Variants in CLIC5 observed in about 807,000 individuals in gnomAD.
The protein encoded by CLIC5 is chloride intracellular channel protein 5.
CLIC5 carries 20 observed loss-of-function variants against 24.7 expected under a neutral mutation model. The ratio of observed to expected loss-of-function variants is 0.81; its 90% CI spans 0.57 to 1.18. CLIC5 has a LOEUF of 1.18. Among genes scored for constraint, CLIC5 ranks in the 50% most tolerant of loss-of-function variants. The pLI is 0.00. For missense variants in CLIC5, 341 were observed against 326.1 expected (o/e 1.05, Z -0.35); for synonymous variants, 159 against 135.6 (o/e 1.17, Z -1.20).
intron 4 of CLIC5, among the ~76,000 whole-genome samples, chr6:45,926,239 ATATATTT>A (rs1389153287): frequency 1.2e-4 from 16 of 133,904 alleles, no homozygotes; most frequent in Admixed American, 7.4e-4. Flanking sequence ...ATATATATAT[ATATATTT>A]TATTTTTTTT....
chr6:46,108,397 T>TGA, the CLIC5 span, among the ~76,000 whole-genome samples: 85 of 148,418 alleles, frequency 5.7e-4, no homozygotes, highest in South Asian at 3.1e-3. Context: ...TGTGTGTGTG[T>TGA]GTGTGAGAGA....
chr6:46,024,785 G>A (rs1767283894), intron 1 of CLIC5, among the ~76,000 whole-genome samples: 1 of 152,136 alleles, frequency 6.6e-6, no homozygotes, highest in African/African-American at 2.4e-5. Context: ...AGACCTCATG[G>A]CTATTAGAAG....
chr6:45,958,969 A>ATACATGCATACATAC (rs1554151369), intron 1 of CLIC5, among the ~76,000 whole-genome samples: 1 of 5,210 alleles, frequency 1.9e-4, no homozygotes, highest in East Asian at 7.3e-4. Flanking sequence ...TACATACTAC[A>ATACATGCATACATAC]TACATACATA....
rs925907403 is a variant in CLIC5, at chr6:45,904,712, ACT to A, written c.589-1459_589-1458del. On this transcript the variant is annotated intron_variant, in intron 5 of 5. Coordinates refer to ENST00000339561, the MANE Select transcript of CLIC5 (RefSeq NM_016929.5). ...TCCATCCTTCCTCTCTCTTTCTCTC[ACT>A]CTCTCTCTCCTTCTCTTCCTTCCTT... is the stretch of plus-strand genomic sequence containing the variant. 1.1e-4 allele frequency among the ~76,000 whole-genome samples: 7 copies of A among 61,570 alleles called. No homozygotes were observed. The Admixed American group carries it at 1.6e-3, about 14-fold the overall frequency. The allele number at this position is 61,570 out of a possible 152,430, so 40.4% of individuals were successfully genotyped here.
At chr6:46,007,416 CT>C (rs1766626488) in intron 1 of CLIC5, among the ~76,000 whole-genome samples, 1 of 152,158 alleles carries the variant, frequency 6.6e-6, no homozygotes, top group Non-Finnish European at 1.5e-5. Context: ...GTTGGTGCCC[CT>C]AATATACACT....
intron 6 of CLIC5, among the ~76,000 whole-genome samples, chr6:45,882,001 G>A (rs974218446): frequency 6.6e-6 from 1 of 150,570 alleles, no homozygotes; most frequent in East Asian, 1.9e-4. Context: ...AAAGTGATGT[G>A]AATCAACTCT....
chr6:45,912,840 G>T, intron 5 of CLIC5: 1 of 799,974 alleles, frequency 1.3e-6, no homozygotes, highest in Non-Finnish European at 2.1e-6. Flanking sequence ...TATTGGCTTG[G>T]CCCCAAATCC....
At chr6:45,909,620 T>A (rs1762758984) in intron 5 of CLIC5, among the ~76,000 whole-genome samples, 2 of 152,244 alleles carry the variant, frequency 1.3e-5, no homozygotes, top group African/African-American at 4.8e-5. Flanking sequence ...TCTTCTGGCT[T>A]GCAATATTTC....
At chr6:45,908,393 T>A (rs1762720095) in intron 5 of CLIC5, among the ~76,000 whole-genome samples, 1 of 152,206 alleles carries the variant, frequency 6.6e-6, no homozygotes, top group Admixed American at 6.5e-5. Context: ...TTTCTAACTT[T>A]TTGAGGTAGG....
chr6:46,017,451 A>G (rs1767051338), upstream of CLIC5, among the ~76,000 whole-genome samples: 1 of 152,250 alleles, frequency 6.6e-6, no homozygotes, highest in Non-Finnish European at 1.5e-5. Context: ...GACATGAAGT[A>G]TTTAAGTAAC....
At chr6:46,072,702 C>T (rs933797064) in intron 1 of CLIC5, among the ~76,000 whole-genome samples, 6 of 152,130 alleles carry the variant, frequency 3.9e-5, no homozygotes, top group African/African-American at 1.4e-4. Flanking sequence ...ATGAAGGTTT[C>T]TTCCCATGGT....
intron 3 of CLIC5, among the ~76,000 whole-genome samples, chr6:45,945,650 A>G (rs1764266597): frequency 6.6e-6 from 1 of 152,200 alleles, no homozygotes; most frequent in Non-Finnish European, 1.5e-5. Context: ...ACTGCAACAT[A>G]GCACAACCTA....
chr6:46,009,253 G>T (rs1448557873), intron 1 of CLIC5, among the ~76,000 whole-genome samples: 1 of 151,874 alleles, frequency 6.6e-6, no homozygotes, highest in Non-Finnish European at 1.5e-5. Flanking sequence ...CTTTTTACAG[G>T]GAAGAATTCG....
intron 4 of CLIC5, among the ~76,000 whole-genome samples, chr6:45,924,217 T>C (rs1451120919): frequency 6.6e-6 from 1 of 152,222 alleles, no homozygotes; most frequent in East Asian, 1.9e-4. Flanking sequence ...TGAACAGGGA[T>C]ATTCAGCTGT....
chr6:45,998,017 T>C (rs9463163), intron 1 of CLIC5, among the ~76,000 whole-genome samples: 124,230 of 152,218 alleles, frequency 0.82, 51,397 homozygotes, highest in African/African-American at 0.95. Flanking sequence ...GAAACTGCCC[T>C]GAGTGTTTAC....
intron 1 of CLIC5, among the ~76,000 whole-genome samples, chr6:46,049,055 G>A (rs1768034474): frequency 1.3e-5 from 2 of 152,188 alleles, no homozygotes; most frequent in Non-Finnish European, 2.9e-5. Flanking sequence ...AATATCCCCT[G>A]CAACTACTAG....
Position 45,901,138 on chromosome 6 carries a change from T to TC in CLIC5, c.*1949dup, listed in dbSNP as rs1762501058. The TC allele has an allele frequency of 6.6e-6, 1 of 151,980 alleles. No homozygotes were observed. Among genetic ancestry groups the TC allele is most frequent in the Non-Finnish European group, 1.5e-5 (1 of 68,004 alleles). The allele number at this position is 151,980 out of a possible 1,614,324, so 9.4% of individuals were successfully genotyped here. ...GCCTTCGGGATCATTTCAGCCCTCA[T>TC]CCCCCAGGAGGCCAGTTTGGGGCTT... On this transcript the variant is annotated 3_prime_UTR_variant, in exon 6 of 6. Transcript: ENST00000339561.
intron 6 of CLIC5, among the ~76,000 whole-genome samples, chr6:45,881,683 C>T (rs1762264289): frequency 6.6e-6 from 1 of 152,062 alleles, no homozygotes; most frequent in African/African-American, 2.4e-5. Context: ...AAATTTGATC[C>T]ATGTGTTTCA....
rs1255572860 is a variant in CLIC5, at chr6:46,015,559, G to T, written c.-17C>A. The T allele has an allele frequency of 3.2e-6, 5 of 1,562,620 alleles. No individual in the cohort carries two copies. The Admixed American group carries it at 7.4e-5, about 23-fold the overall frequency. On this transcript the variant is annotated 5_prime_UTR_variant, in exon 1 of 6. Coordinates refer to ENST00000339561, the MANE Select transcript of CLIC5 (RefSeq NM_016929.5). ...GTCTGTCATGCCGTTGGCGCCCGGG[G>T]CTACCGTCCCGGGCCGGGGAGGCGC...
Sources: gnomAD v4.1 joint callset for allele counts (sites outside exome capture counted in the v4.1 genomes callset) on GRCh38, gnomAD v4.1.1 for gene constraint, MANE v1.5 for transcripts, NCBI Gene and HGNC (gene_info 2026-07-23, HGNC 2026-07-21) for gene names.